The following CERS6 variants were observed in gnomAD, a reference collection of about 807,000 sequenced individuals.
CERS6 encodes ceramide synthase 6.
In CERS6, 26 loss-of-function variants were observed where a neutral mutation model predicts 56.8. That is an observed-to-expected ratio of 0.46 (90% CI 0.34 to 0.63). The LOEUF (loss-of-function observed/expected upper bound fraction) is 0.63. CERS6 is among the 30% of genes least tolerant of loss of function. CERS6 has a pLI of 0.01. For synonymous variants in CERS6, 164 were observed against 173.3 expected (o/e 0.95, Z 0.42); for missense variants, 415 against 467.5 (o/e 0.89, Z 1.04).
chr2:168,583,956 T>G (rs1683480721), intron 3 of CERS6, among the ~76,000 whole-genome samples: 3 of 152,266 alleles, frequency 2.0e-5, no homozygotes, highest in African/African-American at 7.2e-5. Context: ...TGACATGTAC[T>G]GAATACTTAG....
chr2:168,695,474 A>G (rs1418961140), intron 6 of CERS6, among the ~76,000 whole-genome samples: 1 of 152,184 alleles, frequency 6.6e-6, no homozygotes, highest in Non-Finnish European at 1.5e-5. Flanking sequence ...TGTCTCGGAA[A>G]TGCAGCATTC....
At chr2:168,662,604 G>A (rs1361113132) in intron 4 of CERS6, among the ~76,000 whole-genome samples, 6 of 152,260 alleles carry the variant, frequency 3.9e-5, no homozygotes, top group Non-Finnish European at 5.9e-5. Flanking sequence ...GGTGGCGGGC[G>A]GCTGTAATCC....
intron 1 of CERS6, among the ~76,000 whole-genome samples, chr2:168,543,557 T>C (rs71430634): frequency 0.019 from 2,951 of 152,276 alleles, 30 homozygotes; most frequent in Non-Finnish European, 0.031. Flanking sequence ...TTATTTTGTA[T>C]CTAAATATGC....
intron 1 of CERS6, among the ~76,000 whole-genome samples, chr2:168,472,552 A>G (rs17194552): frequency 0.2 from 29,706 of 152,084 alleles, 3,141 homozygotes; most frequent in Non-Finnish European, 0.24. Context: ...ACAAAATCTG[A>G]TTGGTATTTG....
At chr2:168,514,139 T>C (rs1694844981) in intron 1 of CERS6, among the ~76,000 whole-genome samples, 1 of 152,192 alleles carries the variant, frequency 6.6e-6, no homozygotes, top group Admixed American at 6.5e-5. Flanking sequence ...AAATTAAATG[T>C]TTTTCTGAAA....
intron 8 of CERS6, among the ~76,000 whole-genome samples, chr2:168,736,188 G>GGTAAA (rs1683712522): frequency 6.6e-6 from 1 of 152,120 alleles, no homozygotes; most frequent in African/African-American, 2.4e-5. Context: ...GGCCTTCCTT[G>GGTAAA]GTAAAGAGTT....
chr2:168,592,802 C>CT (rs34545709), intron 3 of CERS6, among the ~76,000 whole-genome samples: 1 of 152,132 alleles, frequency 6.6e-6, no homozygotes, highest in Non-Finnish European at 1.5e-5. Context: ...GAAAGTGGCC[C>CT]TTTTTGGGTG....
chr2:168,746,183 T>C (rs1684091231), intron 8 of CERS6, among the ~76,000 whole-genome samples: 1 of 152,128 alleles, frequency 6.6e-6, no homozygotes, highest in Non-Finnish European at 1.5e-5. Context: ...CATGGGCCCA[T>C]GGAGGCCCCA....
chr2:168,684,549 A>T (rs1686298145), intron 4 of CERS6, among the ~76,000 whole-genome samples: 1 of 152,340 alleles, frequency 6.6e-6, no homozygotes, highest in South Asian at 2.1e-4. Flanking sequence ...ATTTAAATTA[A>T]TAACACAGTT....
intron 4 of CERS6, among the ~76,000 whole-genome samples, chr2:168,652,206 G>A (rs1215328317): frequency 6.6e-6 from 1 of 152,016 alleles, no homozygotes; most frequent in East Asian, 1.9e-4. Flanking sequence ...GGTCACTAGT[G>A]GGTCTGTGGC....
chr2:168,520,275 GTTGTT>G (rs1175895323), intron 1 of CERS6, among the ~76,000 whole-genome samples: 1 of 151,980 alleles, frequency 6.6e-6, no homozygotes, highest in Non-Finnish European at 1.5e-5. Flanking sequence ...TTTTAATAGG[GTTGTT>G]TTATTTTCTC....
chr2:168,594,907 C>G (rs779450374), intron 3 of CERS6, among the ~76,000 whole-genome samples: 1 of 152,110 alleles, frequency 6.6e-6, no homozygotes, highest in Non-Finnish European at 1.5e-5. Flanking sequence ...TGTATTCGGG[C>G]TGTGTTCAGT....
chr2:168,765,061 A>G (rs2105465302), intron 8 of CERS6, among the ~76,000 whole-genome samples: 1 of 152,368 alleles, frequency 6.6e-6, no homozygotes, highest in Non-Finnish European at 1.5e-5. Flanking sequence ...ACATGCCACA[A>G]CATGGATGAA....
chr2:168,732,061 G>A (rs751939203), intron 8 of CERS6, among the ~76,000 whole-genome samples: 1 of 152,180 alleles, frequency 6.6e-6, no homozygotes, highest in Non-Finnish European at 1.5e-5. Context: ...AACAGAGCTT[G>A]AATGTCTCTC....
At chr2:168,668,985 T>C (rs1428725188) in intron 4 of CERS6, among the ~76,000 whole-genome samples, 2 of 152,350 alleles carry the variant, frequency 1.3e-5, no homozygotes, top group Admixed American at 6.5e-5. Flanking sequence ...TTGAAATCTT[T>C]ATCTGACTTT....
At chr2:168,768,997 C>G (rs1684797584) in intron 9 of CERS6, among the ~76,000 whole-genome samples, 1 of 149,716 alleles carries the variant, frequency 6.7e-6, no homozygotes, top group African/African-American at 2.5e-5. Context: ...TTAATTATAG[C>G]ATACAAAAAA....
chr2:168,696,731 G>A (rs961050837), intron 6 of CERS6, among the ~76,000 whole-genome samples: 1 of 152,164 alleles, frequency 6.6e-6, no homozygotes, highest in Non-Finnish European at 1.5e-5. Flanking sequence ...AGGCCTCCTT[G>A]TGAAAAGGCA....
chr2:168,669,129 G>A (rs1054869066), intron 4 of CERS6, among the ~76,000 whole-genome samples: 10 of 152,192 alleles, frequency 6.6e-5, no homozygotes, highest in Non-Finnish European at 1.3e-4. Flanking sequence ...AGTCTGATAT[G>A]ATGGTTCCAT....
chr2:168,530,944 T>G (rs1431699484), intron 1 of CERS6, among the ~76,000 whole-genome samples: 1 of 152,208 alleles, frequency 6.6e-6, no homozygotes, highest in Non-Finnish European at 1.5e-5. Flanking sequence ...ACAAAAAGCC[T>G]TTGCCAATGG....
Sources: gnomAD v4.1 joint callset for allele counts (sites outside exome capture counted in the v4.1 genomes callset) on GRCh38, gnomAD v4.1.1 for gene constraint, MANE v1.5 for transcripts, NCBI Gene and HGNC (gene_info 2026-07-23, HGNC 2026-07-21) for gene names.